EXOC6B: variants seen among roughly 807,000 people sequenced by gnomAD.
EXOC6B encodes exocyst complex component 6B, also known as SEC15 homolog B.
EXOC6B carries 54 observed loss-of-function variants against 113.5 expected under a neutral mutation model. The observed-to-expected ratio is 0.48, with a 90% CI of 0.38 to 0.60. EXOC6B has a LOEUF of 0.60. Among genes scored for constraint, EXOC6B ranks in the 20% least tolerant of loss-of-function variants. EXOC6B has a pLI of 0.00. For synonymous variants in EXOC6B, 357 were observed against 339.0 expected (o/e 1.05, Z -0.58); for missense variants, 797 against 977.5 (o/e 0.82, Z 2.46).
intron 1 of EXOC6B, among the ~76,000 whole-genome samples, chr2:72,812,672 T>A (rs942523881): frequency 1.4e-5 from 2 of 147,032 alleles, no homozygotes; most frequent in Admixed American, 7.0e-5. Context: ...CCTGGGTGAC[T>A]GGGGGAGACC....
chr2:72,757,425 T>C (rs1296019279), intron 1 of EXOC6B, among the ~76,000 whole-genome samples: 2 of 152,214 alleles, frequency 1.3e-5, no homozygotes, highest in African/African-American at 4.8e-5. Flanking sequence ...GAATTTCCTC[T>C]GGCCTACAGT....
chr2:72,408,244 T>C (rs1466838354), intron 18 of EXOC6B, among the ~76,000 whole-genome samples: 11 of 152,320 alleles, frequency 7.2e-5, no homozygotes, highest in African/African-American at 2.6e-4. Flanking sequence ...GAACATTCCA[T>C]GCTCATGGGT....
chr2:72,401,801 T>C (rs943143527), intron 18 of EXOC6B, among the ~76,000 whole-genome samples: 19 of 145,944 alleles, frequency 1.3e-4, no homozygotes, highest in Non-Finnish European at 1.8e-4. Context: ...AAGAATCAGA[T>C]ACCCAGAAAC....
intron 6 of EXOC6B, among the ~76,000 whole-genome samples, chr2:72,589,709 C>T (rs1705811054): frequency 6.6e-6 from 1 of 151,770 alleles, no homozygotes; most frequent in African/African-American, 2.4e-5. Context: ...TGAGTGTGCA[C>T]AGTGGGTCAC....
chr2:72,821,809 G>A (rs7592155), intron 1 of EXOC6B, among the ~76,000 whole-genome samples: 138,189 of 152,174 alleles, frequency 0.91, 62,823 homozygotes, highest in East Asian at 0.99. Context: ...GAACAGAATG[G>A]AGAGACCACT....
At chr2:72,240,897 G>T (rs1682272953) in intron 20 of EXOC6B, among the ~76,000 whole-genome samples, 1 of 152,126 alleles carries the variant, frequency 6.6e-6, no homozygotes, top group South Asian at 2.1e-4. Flanking sequence ...TAGAGTCACA[G>T]GGCAAATCAC....
intron 6 of EXOC6B, among the ~76,000 whole-genome samples, chr2:72,577,586 A>G (rs1477536449): frequency 6.6e-6 from 1 of 152,038 alleles, no homozygotes; most frequent in African/African-American, 2.4e-5. Context: ...GCAATGAACA[A>G]ATGAAAGTTA....
At chr2:72,566,088 GA>G (rs2103752612) in intron 7 of EXOC6B, among the ~76,000 whole-genome samples, 1 of 151,760 alleles carries the variant, frequency 6.6e-6, no homozygotes, top group African/African-American at 2.4e-5. Context: ...TGTAAGTTCT[GA>G]CAAATGCATA....
chr2:72,786,806 C>A (rs1262443283), intron 1 of EXOC6B, among the ~76,000 whole-genome samples: 1 of 151,894 alleles, frequency 6.6e-6, no homozygotes, highest in Non-Finnish European at 1.5e-5. Context: ...ACATAGTAGA[C>A]CATCTTAAGT....
At chr2:72,381,865 G>A (rs1297036906) in intron 18 of EXOC6B, among the ~76,000 whole-genome samples, 1 of 152,012 alleles carries the variant, frequency 6.6e-6, no homozygotes, top group Non-Finnish European at 1.5e-5. Context: ...GATATTTTAT[G>A]GATTTTATGT....
chr2:72,489,745 T>C (rs1470967586), intron 16 of EXOC6B, among the ~76,000 whole-genome samples: 1 of 152,122 alleles, frequency 6.6e-6, no homozygotes, highest in Non-Finnish European at 1.5e-5. Context: ...CCTAGGAAAA[T>C]AGCCATTCTC....
intron 1 of EXOC6B, among the ~76,000 whole-genome samples, chr2:72,749,035 G>A (rs1681873039): frequency 6.6e-6 from 1 of 152,038 alleles, no homozygotes; most frequent in Admixed American, 6.6e-5. Context: ...GATTATTAGT[G>A]GCTTCACTTT....
intron 8 of EXOC6B, chr2:72,515,881 A>G (rs1386707828): frequency 1.4e-5 from 4 of 284,512 alleles, no homozygotes; most frequent in Non-Finnish European, 2.1e-5. Flanking sequence ...GGACCTTAAT[A>G]GAGTATGTCT....
chr2:72,750,658 A>G (rs1287091665), intron 1 of EXOC6B, among the ~76,000 whole-genome samples: 1 of 152,132 alleles, frequency 6.6e-6, no homozygotes, highest in Non-Finnish European at 1.5e-5. Flanking sequence ...CTCCCATGAT[A>G]ATTTGAAAGC....
At chr2:72,735,821 C>A (rs554865289) in intron 2 of EXOC6B, among the ~76,000 whole-genome samples, 1 of 151,484 alleles carries the variant, frequency 6.6e-6, no homozygotes, top group East Asian at 2.0e-4. Context: ...GGCAAAAGAG[C>A]GAAACTCCAT....
intron 20 of EXOC6B, among the ~76,000 whole-genome samples, chr2:72,222,689 T>C (rs774404038): frequency 6.6e-6 from 1 of 152,172 alleles, no homozygotes; most frequent in East Asian, 1.9e-4. Flanking sequence ...AGATAGGTCA[T>C]GCAGCTGGTG....
chr2:72,585,978 G>A (rs1389835855), intron 6 of EXOC6B, among the ~76,000 whole-genome samples: 1 of 152,058 alleles, frequency 6.6e-6, no homozygotes, highest in Non-Finnish European at 1.5e-5. Flanking sequence ...TTCAACAGTC[G>A]ACAAAAATAA....
At chr2:72,351,805 A>T (rs1689668313) in intron 19 of EXOC6B, among the ~76,000 whole-genome samples, 1 of 152,178 alleles carries the variant, frequency 6.6e-6, no homozygotes, top group African/African-American at 2.4e-5. Context: ...CACTCTCATA[A>T]CATAAACAGC....
chr2:72,562,634 C>T (rs1007576717), intron 7 of EXOC6B, among the ~76,000 whole-genome samples: 2 of 152,126 alleles, frequency 1.3e-5, no homozygotes, highest in Admixed American at 6.6e-5. Flanking sequence ...ACAGCCCTTG[C>T]ATTTTACACA....
Sources: allele counts gnomAD v4.1 joint callset (sites outside exome capture counted in the v4.1 genomes callset), GRCh38; gene constraint gnomAD v4.1.1; transcripts MANE v1.5; gene names NCBI Gene and HGNC (gene_info 2026-07-23, HGNC 2026-07-21).